SCFD2: variants seen among roughly 807,000 people sequenced by gnomAD.
SCFD2 encodes the protein sec1 family domain-containing protein 2.
Under a neutral mutation model 58.9 loss-of-function variants are expected in SCFD2, and 54 were observed. The observed-to-expected ratio is 0.92, with a 90% CI of 0.74 to 1.15. SCFD2 has a LOEUF of 1.15. Among genes scored for constraint, SCFD2 ranks in the 50% most tolerant of loss-of-function variants. The pLI is 0.00. For synonymous variants in SCFD2, 321 were observed against 335.9 expected, an observed-to-expected ratio of 0.96 and a Z score of 0.49; for missense variants, 805 against 836.6, an observed-to-expected ratio of 0.96 and a Z score of 0.47.
chr4:52,926,389 CAG>C (rs370882568), intron 5 of SCFD2, among the ~76,000 whole-genome samples: 273 of 151,674 alleles, frequency 1.8e-3, no homozygotes, highest in African/African-American at 6.1e-3. Context: ...AATACACACA[CAG>C]ACACACACAC....
At chr4:53,175,899 C>T (rs982079049) in intron 4 of SCFD2, among the ~76,000 whole-genome samples, 5 of 152,156 alleles carry the variant, frequency 3.3e-5, no homozygotes, top group African/African-American at 1.2e-4. Flanking sequence ...TTCCTAGTCC[C>T]TGACTTCCTT....
chr4:53,006,413 CA>C (rs1347531026), intron 5 of SCFD2, among the ~76,000 whole-genome samples: 1 of 152,150 alleles, frequency 6.6e-6, no homozygotes, highest in Non-Finnish European at 1.5e-5. Context: ...CGCCTTTCAT[CA>C]AAAATAGGGG....
At chr4:53,309,619 T>C (rs1420280824) in intron 3 of SCFD2, among the ~76,000 whole-genome samples, 1 of 152,076 alleles carries the variant, frequency 6.6e-6, no homozygotes, top group Non-Finnish European at 1.5e-5. Context: ...AAAAACTATT[T>C]AGAATTCTGC....
chr4:52,917,374 C>T (rs781570895), intron 6 of SCFD2, among the ~76,000 whole-genome samples: 5 of 152,090 alleles, frequency 3.3e-5, no homozygotes, highest in Non-Finnish European at 7.4e-5. Context: ...CTATGAACCC[C>T]GATGCTATGG....
intron 3 of SCFD2, among the ~76,000 whole-genome samples, chr4:53,278,124 T>C (rs1249234114): frequency 3.3e-5 from 5 of 151,932 alleles, no homozygotes; most frequent in East Asian, 1.9e-4. Context: ...CCCAGCACTT[T>C]TGGAGGCCGA....
chr4:53,030,526 G>A lies in SCFD2; in HGVS notation c.1562-109656C>T, dbSNP rs149717760. On this transcript the variant is annotated intron_variant, in intron 5 of 8. Coordinates refer to ENST00000401642, the MANE Select transcript of SCFD2 (RefSeq NM_152540.4). Reference sequence around the variant, plus strand: ...CAACCTCTGCCTCCTGGGTTCCAGCGATTCTCCTGCATCAGCCTCCCGGGT... The same window carrying A: ...CAACCTCTGCCTCCTGGGTTCCAGCAATTCTCCTGCATCAGCCTCCCGGGT... Among the ~76,000 whole-genome samples the A allele has an allele frequency of 2.7e-3, 410 of 152,068 alleles. 4 individuals carry two copies. The highest frequency in any genetic ancestry group is 9.2e-3 in the African/African-American group (381 of 41,472).
At chr4:52,891,659 T>A (rs967751095) in intron 7 of SCFD2, among the ~76,000 whole-genome samples, 5 of 142,326 alleles carry the variant, frequency 3.5e-5, no homozygotes, top group African/African-American at 1.4e-4. Context: ...TTAGCATTCA[T>A]CTCTGAAAAC....
At chr4:53,041,288 T>G (rs754411719) in intron 5 of SCFD2, among the ~76,000 whole-genome samples, 3 of 152,194 alleles carry the variant, frequency 2.0e-5, no homozygotes, top group Non-Finnish European at 4.4e-5. Context: ...ACAGTTTCAC[T>G]GATGGTGATG....
chr4:53,355,555 C>G (rs1406583749), intron 1 of SCFD2, among the ~76,000 whole-genome samples: 1 of 152,140 alleles, frequency 6.6e-6, no homozygotes, highest in African/African-American at 2.4e-5. Flanking sequence ...GGATCTACCT[C>G]AATCCTCATA....
chr4:53,228,964 T>A (rs1729326113), intron 4 of SCFD2, among the ~76,000 whole-genome samples: 1 of 152,168 alleles, frequency 6.6e-6, no homozygotes, highest in African/African-American at 2.4e-5. Context: ...CAAGCATTCT[T>A]ATACACCAAT....
At chr4:53,295,107 G>C (rs897214855) in intron 3 of SCFD2, among the ~76,000 whole-genome samples, 2 of 152,152 alleles carry the variant, frequency 1.3e-5, no homozygotes, top group African/African-American at 4.8e-5. Context: ...GCTTAGGATT[G>C]TCTTGGCTAT....
chr4:52,899,616 C>G (rs983231313), intron 7 of SCFD2, among the ~76,000 whole-genome samples: 1 of 152,148 alleles, frequency 6.6e-6, no homozygotes, highest in African/African-American at 2.4e-5. Flanking sequence ...GTGAATCTGA[C>G]AATTATGTGT....
intron 4 of SCFD2, among the ~76,000 whole-genome samples, chr4:53,204,150 A>G (rs1198632035): frequency 6.6e-6 from 1 of 152,086 alleles, no homozygotes; most frequent in Non-Finnish European, 1.5e-5. Context: ...CCTCAAAGCC[A>G]CAAACCCCCC....
chr4:52,964,759 C>T (rs1720923836), intron 5 of SCFD2, among the ~76,000 whole-genome samples: 2 of 151,272 alleles, frequency 1.3e-5, no homozygotes, highest in Admixed American at 1.3e-4. Flanking sequence ...GTCTCAAACA[C>T]CCATCAAGTG....
At position 52,975,073 on chromosome 4, in the gene SCFD2, GA is replaced by G. The variant is rs1177683560; in HGVS notation, c.1562-54204del. On this transcript the variant is annotated intron_variant, in intron 5 of 8. Transcript: ENST00000401642. Reference sequence around the variant, plus strand: ...ACCTAAAACCATAAAAACCCTAGAAGAAAACCTAGGCAATACCATTCAGGAC... The same window carrying G: ...ACCTAAAACCATAAAAACCCTAGAAGAAACCTAGGCAATACCATTCAGGAC... Among the ~76,000 whole-genome samples the G allele has an allele frequency of 5.9e-5, 9 of 152,234 alleles. No individual in the cohort carries two copies. The South Asian group carries it at 1.9e-3, about 32-fold the overall frequency.
chr4:53,182,701 T>A (rs1727610405), intron 4 of SCFD2, among the ~76,000 whole-genome samples: 5 of 151,950 alleles, frequency 3.3e-5, no homozygotes, highest in Admixed American at 3.3e-4. Flanking sequence ...GAAACTACCA[T>A]CATAGTCAAC....
At chr4:52,906,375 G>A (rs1017253136) in intron 7 of SCFD2, among the ~76,000 whole-genome samples, 1 of 152,226 alleles carries the variant, frequency 6.6e-6, no homozygotes, top group Non-Finnish European at 1.5e-5. Flanking sequence ...TGGAAACCGT[G>A]TCTAGTCTGG....
Position 52,920,824 on chromosome 4 carries a change from G to A in SCFD2, c.1608C>T (p.Ala536=), listed in dbSNP as rs527463599. ...INLTFHKSKI[A]VDELFTSLRD... ...GAAGTGAAGTAAAGAGTTCATCCAC[G>A]GCAATTTTGGATTTGTGAAATGTCA... Residue 536 remains alanine, a synonymous_variant, in exon 6 of 9, where the codon GCC becomes GCT. Coordinates refer to ENST00000401642, the MANE Select transcript of SCFD2 (RefSeq NM_152540.4). The A allele has an allele frequency of 2.2e-5, 35 of 1,610,868 alleles. No homozygotes were observed. The South Asian group carries it at 2.4e-4, about 11-fold the overall frequency.
At chr4:53,276,932 A>C (rs1731345374) in intron 3 of SCFD2, among the ~76,000 whole-genome samples, 2 of 151,986 alleles carry the variant, frequency 1.3e-5, no homozygotes, top group Non-Finnish European at 2.9e-5. Flanking sequence ...GATGTTAACC[A>C]CCTTTTCATG....
Sources: gnomAD v4.1 joint callset for allele counts (sites outside exome capture counted in the v4.1 genomes callset) on GRCh38, gnomAD v4.1.1 for gene constraint, MANE v1.5 for transcripts, NCBI Gene and HGNC (gene_info 2026-07-23, HGNC 2026-07-21) for gene names.